Variants in HECW1 observed in about 807,000 individuals in gnomAD.
HECW1 encodes the protein E3 ubiquitin-protein ligase HECW1.
A neutral mutation model predicts 182.3 loss-of-function variants in HECW1; 61 were observed. The ratio of observed to expected loss-of-function variants is 0.33; its 90% confidence interval spans 0.27 to 0.41. The LOEUF (loss-of-function observed/expected upper bound fraction) is 0.41, where lower values mean the gene tolerates loss of function less well. HECW1 is among the 10% of genes least tolerant of loss of function. The pLI, the probability that HECW1 is intolerant of heterozygous loss-of-function variation, is 1.00. For missense variants in HECW1, 1,739 were observed against 2,108.9 expected (o/e 0.82, Z 3.44); for synonymous variants, 859 against 832.6 (o/e 1.03, Z -0.55).
At chr7:43,435,694 G>A (rs1274251540) in intron 8 of HECW1, among the ~76,000 whole-genome samples, 1 of 152,086 alleles carries the variant, frequency 6.6e-6, no homozygotes, top group Non-Finnish European at 1.5e-5. Flanking sequence ...TGAGAGGGTG[G>A]CTGCTCCATC....
chr7:43,515,068 T>C (rs2080079791), intron 24 of HECW1, among the ~76,000 whole-genome samples: 1 of 152,156 alleles, frequency 6.6e-6, no homozygotes, highest in Non-Finnish European at 1.5e-5. Flanking sequence ...TGTATTGTAA[T>C]AATGAGGTAC....
chr7:43,431,325 G>T (rs1200533477), intron 8 of HECW1, among the ~76,000 whole-genome samples: 1 of 152,040 alleles, frequency 6.6e-6, no homozygotes, highest in Non-Finnish European at 1.5e-5. Context: ...ATTGCTTTGG[G>T]ACACTCAGTC....
chr7:43,219,733 T>C (rs905291730), intron 2 of HECW1, among the ~76,000 whole-genome samples: 4 of 152,216 alleles, frequency 2.6e-5, no homozygotes, highest in African/African-American at 9.7e-5. Flanking sequence ...ATTGATTAAG[T>C]CAGGGGTCGA....
At position 43,463,655 on chromosome 7, in the gene HECW1, C is replaced by A; in HGVS notation, c.2652-5C>A. On this transcript the variant is annotated splice_polypyrimidine_tract_variant and splice_region_variant and intron_variant, in intron 13 of 29. Transcript: ENST00000395891. Reference sequence around the variant, plus strand: ...ACTCCTGTCTTTCCATTTTCTAATGCAAAGGTATCAAAACATTCAGCGAAC... The same window carrying A: ...ACTCCTGTCTTTCCATTTTCTAATGAAAAGGTATCAAAACATTCAGCGAAC... 6.2e-7 allele frequency: 1 copy of A among 1,611,400 alleles called. No individual in the cohort carries two copies. The highest frequency in any genetic ancestry group is 8.5e-7 in the Non-Finnish European group (1 of 1,178,050).
At chr7:43,309,450 T>G (rs1044683589) in intron 3 of HECW1, among the ~76,000 whole-genome samples, 2 of 152,206 alleles carry the variant, frequency 1.3e-5, no homozygotes, top group Non-Finnish European at 2.9e-5. Context: ...CAGTGATCAC[T>G]GGCGTAATTT....
chr7:43,180,954 A>G (rs993947012), intron 2 of HECW1, among the ~76,000 whole-genome samples: 1 of 152,116 alleles, frequency 6.6e-6, no homozygotes, highest in Non-Finnish European at 1.5e-5. Flanking sequence ...CCTCCTATCT[A>G]ACTGTAACTT....
chr7:43,143,602 T>C lies in HECW1; in HGVS notation c.-32+29211T>C, dbSNP rs962273478. ...TGCCCAGCTGGATGCCTCCTTTAGA[T>C]GCCAGCTCTCACTCCCCAGGATGAA... On this transcript the variant is annotated intron_variant, in intron 2 of 29. Coordinates refer to ENST00000395891, the MANE Select transcript of HECW1 (RefSeq NM_015052.5). Among the ~76,000 whole-genome samples the C allele has an allele frequency of 3.3e-5, 5 of 152,294 alleles. No homozygotes were observed. In the East Asian group the frequency reaches 9.6e-4, roughly 29 times the overall value.
chr7:43,444,741 G>T lies in HECW1; in HGVS notation c.1569G>T (p.Gln523His), dbSNP rs766949363. 32 of 1,613,644 alleles carry T rather than the reference G, an allele frequency of 2.0e-5. No homozygotes were observed. The highest frequency in any genetic ancestry group is 2.6e-5 in the Non-Finnish European group (31 of 1,179,776). The change falls in exon 11 of 30, where the codon CAG (glutamine) becomes CAT (histidine). Residue 523 changes from glutamine (Q) to histidine (H), a missense_variant. Gln to His is a conservative substitution (Grantham distance 24). Coordinates refer to ENST00000395891, the MANE Select transcript of HECW1 (RefSeq NM_015052.5). The surrounding 1 kb of genome is among the most constrained non-coding windows in gnomAD (Gnocchi z 4.3). ...TGGAGCAGGGAGAGGGCAGGCTGCA[G>T]CTGCGGGCCTCGGTGAAGAGAAAAA... ...STLEQGEGRL[Q>H]LRASVKRKSR...
chr7:43,478,088 T>C (rs1465141008), intron 16 of HECW1, among the ~76,000 whole-genome samples: 1 of 152,186 alleles, frequency 6.6e-6, no homozygotes, highest in Non-Finnish European at 1.5e-5. Flanking sequence ...TATTGGAATA[T>C]ATATGGTACT....
At chr7:43,543,042 G>A (rs945130104) in intron 26 of HECW1, among the ~76,000 whole-genome samples, 7 of 152,118 alleles carry the variant, frequency 4.6e-5, no homozygotes, top group Admixed American at 4.6e-4. Flanking sequence ...TAAATAATAA[G>A]ATAAAGTTTC....
chr7:43,113,758 AT>A (rs1784829705), intron 1 of HECW1: 1 of 225,098 alleles, frequency 4.4e-6, no homozygotes, highest in Non-Finnish European at 8.8e-6. Flanking sequence ...ATGCAGCAAA[AT>A]CCGAGGGCTC....
At chr7:43,168,035 C>T (rs1562623377) in intron 2 of HECW1, among the ~76,000 whole-genome samples, 1 of 152,190 alleles carries the variant, frequency 6.6e-6, no homozygotes, top group Non-Finnish European at 1.5e-5. Flanking sequence ...ATCTCTAAAT[C>T]CCCATAGCCC....
chr7:43,519,862 GTAAATA>G (rs1435631946), intron 24 of HECW1, among the ~76,000 whole-genome samples: 3 of 152,076 alleles, frequency 2.0e-5, no homozygotes, highest in African/African-American at 4.8e-5. Context: ...CTAGAGATAT[GTAAATA>G]TAAATATATT....
rs759138331 is a variant in HECW1 at position 43,273,107 on chromosome 7, G to A, written c.27+29175G>A. ...TACTACATGTTCTTACCTACAAGTG[G>A]GAGCTAAACATTGGGTACTCACAGA... On this transcript the variant is annotated intron_variant, in intron 3 of 29. Coordinates refer to ENST00000395891, the MANE Select transcript of HECW1 (RefSeq NM_015052.5). Among the ~76,000 whole-genome samples, 36 of 152,118 alleles carry A rather than the reference G, an allele frequency of 2.4e-4. 1 individual carries two copies. Among genetic ancestry groups the A allele is most frequent in the Admixed American group, 3.9e-4 (6 of 15,270 alleles).
At chr7:43,541,588 C>G (rs1354544202) in intron 25 of HECW1, among the ~76,000 whole-genome samples, 1 of 152,118 alleles carries the variant, frequency 6.6e-6, no homozygotes, top group Non-Finnish European at 1.5e-5. Context: ...TATAGCATAA[C>G]TGTTTTAAAA....
At chr7:43,476,191 A>G (rs2078214335) in intron 16 of HECW1, among the ~76,000 whole-genome samples, 1 of 152,234 alleles carries the variant, frequency 6.6e-6, no homozygotes, top group Admixed American at 6.5e-5. Context: ...TGAGCAGACA[A>G]AAAGTAAATA....
At chr7:43,332,461 G>A (rs1004970415) in intron 5 of HECW1, among the ~76,000 whole-genome samples, 2 of 152,204 alleles carry the variant, frequency 1.3e-5, no homozygotes, top group Non-Finnish European at 2.9e-5. Context: ...TTGCAGGTGT[G>A]TGTGGCGAGA....
rs1292351487 is a variant in HECW1, at chr7:43,462,789, C to T, written c.2652-871C>T. ...TCCCCAAGGGTGGCCTGCTTTTGTA[C>T]ATGTTGTTTCTTTTCTGAAATGCCC... On this transcript the variant is annotated intron_variant, in intron 13 of 29. Coordinates refer to ENST00000395891, the MANE Select transcript of HECW1 (RefSeq NM_015052.5). Among the ~76,000 whole-genome samples the T allele has an allele frequency of 2.0e-5, 3 of 152,216 alleles. No homozygotes were observed. The East Asian group carries it at 5.8e-4, about 29-fold the overall frequency.
At chr7:43,177,202 A>G (rs1021752151) in intron 2 of HECW1, among the ~76,000 whole-genome samples, 2 of 152,150 alleles carry the variant, frequency 1.3e-5, no homozygotes, top group African/African-American at 4.8e-5. Flanking sequence ...TTGCTCTCTC[A>G]CACATTTGGG....
Sources: allele counts gnomAD v4.1 joint callset (sites outside exome capture counted in the v4.1 genomes callset), GRCh38; gene constraint gnomAD v4.1.1; non-coding constraint Gnocchi (gnomAD v3.1); transcripts MANE v1.5; gene names NCBI Gene and HGNC (gene_info 2026-07-23, HGNC 2026-07-21).